MBNL1: variants seen among roughly 807,000 people sequenced by gnomAD.
The protein encoded by MBNL1 is muscleblind like splicing regulator 1.
A neutral mutation model predicts 42.2 loss-of-function variants in MBNL1; 8 were observed. The observed-to-expected ratio is 0.19, with a 90% CI of 0.11 to 0.34. The LOEUF is 0.34. MBNL1 is among the 10% of genes least tolerant of loss of function. MBNL1 has a pLI of 1.00. For synonymous variants in MBNL1, 169 were observed against 173.9 expected (o/e 0.97, Z 0.22); for missense variants, 309 against 495.3 (o/e 0.62, Z 3.57).
chr3:152,396,972 G>A (rs1339131463), intron 2 of MBNL1, among the ~76,000 whole-genome samples: 2 of 152,026 alleles, frequency 1.3e-5, no homozygotes, highest in Non-Finnish European at 2.9e-5. Flanking sequence ...TGTAACATTG[G>A]GAAAACAACA....
chr3:152,382,500 G>C (rs751931785), intron 2 of MBNL1, among the ~76,000 whole-genome samples: 1 of 152,016 alleles, frequency 6.6e-6, no homozygotes, highest in African/African-American at 2.4e-5. Context: ...AATTTGAAGC[G>C]TGAAAAAGAA....
At chr3:152,245,141 G>T (rs927686993) in intron 2 of MBNL1, among the ~76,000 whole-genome samples, 7 of 151,964 alleles carry the variant, frequency 4.6e-5, no homozygotes, top group Non-Finnish European at 1.0e-4. Context: ...TTGATAATTG[G>T]AAATCAAACT....
In MBNL1 at chr3:152,327,539, G is replaced by A. The variant is rs183874691; in HGVS notation, c.174+27172G>A. On this transcript the variant is annotated intron_variant, in intron 2 of 9. Coordinates refer to ENST00000324210, the MANE Select transcript of MBNL1 (RefSeq NM_021038.5). ...ATTTTTGTATTTTTGGTAGAGATGG[G>A]GTTTCACCCATGTTGGCCAGGCTGG... Among the ~76,000 whole-genome samples the A allele has an allele frequency of 3.3e-3, 497 of 151,988 alleles. 2 individuals carry two copies. Among genetic ancestry groups the A allele is most frequent in the African/African-American group, 0.012 (481 of 41,462 alleles).
At position 152,275,563 on chromosome 3, in the gene MBNL1, G is replaced by A. The variant is rs2044518764; in HGVS notation, c.-790+6471G>A. Among the ~76,000 whole-genome samples, 4 of 151,946 alleles carry A rather than the reference G, an allele frequency of 2.6e-5. No homozygotes were observed. In the South Asian group the frequency reaches 8.3e-4, roughly 31 times the overall value. On this transcript the variant is annotated intron_variant, in intron 1 of 9. Coordinates refer to ENST00000324210, the MANE Select transcript of MBNL1 (RefSeq NM_021038.5). The stretch of plus-strand genomic sequence containing the variant: ...GTCTCTACTAAAATACAAAAAATTA[G>A]CTGGGCATGGTGGCGCATGCCTGTA...
intron 2 of MBNL1, among the ~76,000 whole-genome samples, chr3:152,375,519 T>C (rs987949570): frequency 3.9e-5 from 6 of 152,036 alleles, no homozygotes; most frequent in African/African-American, 1.4e-4. Context: ...GGAGGCCAAG[T>C]GGGGAGGATC....
intron 2 of MBNL1, among the ~76,000 whole-genome samples, chr3:152,373,311 C>T (rs534778180): frequency 5.8e-5 from 8 of 138,518 alleles, no homozygotes; most frequent in South Asian, 2.5e-4. Context: ...ACAGTTCTGT[C>T]GCTGGCCTTC....
chr3:152,397,406 G>T (rs987183573), intron 2 of MBNL1, among the ~76,000 whole-genome samples: 1 of 151,992 alleles, frequency 6.6e-6, no homozygotes, highest in Non-Finnish European at 1.5e-5. Flanking sequence ...CCCTCCCTTC[G>T]TCCATGTGTT....
intron 2 of MBNL1, among the ~76,000 whole-genome samples, chr3:152,258,193 A>G (rs1485116183): frequency 6.6e-6 from 1 of 152,224 alleles, no homozygotes; most frequent in Admixed American, 6.5e-5. Context: ...TATTTTTTAA[A>G]AAACATATTC....
intron 2 of MBNL1, among the ~76,000 whole-genome samples, chr3:152,248,926 G>A (rs2033856483): frequency 6.6e-6 from 1 of 151,938 alleles, no homozygotes; most frequent in Non-Finnish European, 1.5e-5. Flanking sequence ...TTTCATCCAT[G>A]TCCCTGCAAA....
intron 1 of MBNL1, chr3:152,269,425 C>T (rs2038863527): frequency 2.3e-6 from 1 of 429,466 alleles, no homozygotes; most frequent in African/African-American, 2.1e-5. Flanking sequence ...CAAGTGTACT[C>T]ACAACTTAAT....
chr3:152,461,284 A>C (rs140021080), intron 9 of MBNL1, among the ~76,000 whole-genome samples: 8 of 152,348 alleles, frequency 5.3e-5, no homozygotes, highest in African/African-American at 1.9e-4. Context: ...TGAATTATTA[A>C]AATTGATTTT....
intron 6 of MBNL1, among the ~76,000 whole-genome samples, chr3:152,452,374 G>A (rs769608344): frequency 3.3e-5 from 5 of 152,124 alleles, no homozygotes; most frequent in Non-Finnish European, 5.9e-5. Context: ...AGGCATTACT[G>A]GGAATCCAGG....
At chr3:152,371,375 A>G (rs2096652407) in intron 2 of MBNL1, among the ~76,000 whole-genome samples, 1 of 152,216 alleles carries the variant, frequency 6.6e-6, no homozygotes, top group Admixed American at 6.5e-5. Flanking sequence ...AGGCTGGCAG[A>G]TCACCTGAGG....
chr3:152,396,107 G>A, intron 2 of MBNL1: 1 of 277,456 alleles, frequency 3.6e-6, no homozygotes, highest in South Asian at 3.5e-5. Flanking sequence ...GATCTAGGTT[G>A]GAGACGCTTT....
In MBNL1 at chr3:152,390,613, GCACA is replaced by G. The variant is rs3220073; in HGVS notation, c.175-24298_175-24295del. Among the ~76,000 whole-genome samples, 783 of 147,222 alleles carry G rather than the reference GCACA, an allele frequency of 5.3e-3. 7 individuals are homozygous for G. Among genetic ancestry groups the G allele is most frequent in the African/African-American group, 7.6e-3 (303 of 39,846 alleles). ...GTACTGTACATAATTGTATTGTTAT[GCACA>G]CACACACACACACACACACACACAC... is the stretch of plus-strand genomic sequence containing the variant. On this transcript the variant is annotated intron_variant, in intron 2 of 9. Coordinates refer to ENST00000324210, the MANE Select transcript of MBNL1 (RefSeq NM_021038.5).
chr3:152,330,467 G>A (rs1416718357), intron 2 of MBNL1, among the ~76,000 whole-genome samples: 1 of 152,096 alleles, frequency 6.6e-6, no homozygotes, highest in African/African-American at 2.4e-5. Context: ...GAAAAAAAAT[G>A]CTACTTTCAT....
intron 1 of MBNL1, among the ~76,000 whole-genome samples, chr3:152,288,648 A>G (rs909192282): frequency 5.9e-5 from 9 of 152,244 alleles, no homozygotes; most frequent in African/African-American, 2.2e-4. Context: ...CATGCCCTGC[A>G]GATTCTTAAA....
chr3:152,303,872 A>C (rs894233753), intron 2 of MBNL1, among the ~76,000 whole-genome samples: 2 of 152,204 alleles, frequency 1.3e-5, no homozygotes, highest in Non-Finnish European at 2.9e-5. Context: ...TTTTCCAAAA[A>C]TCTAGCAAAA....
intron 2 of MBNL1, among the ~76,000 whole-genome samples, chr3:152,351,260 G>A (rs2094943554): frequency 6.6e-6 from 1 of 152,082 alleles, no homozygotes; most frequent in African/African-American, 2.4e-5. Context: ...GTTGTTAAAT[G>A]CCATGGTTTA....
Sources: gnomAD v4.1 joint callset for allele counts (sites outside exome capture counted in the v4.1 genomes callset) on GRCh38, gnomAD v4.1.1 for gene constraint, MANE v1.5 for transcripts, NCBI Gene and HGNC (gene_info 2026-07-23, HGNC 2026-07-21) for gene names.